DOCK1: variants seen among roughly 807,000 people sequenced by gnomAD.
DOCK1 encodes dedicator of cytokinesis protein 1.
A neutral mutation model predicts 262.7 loss-of-function variants in DOCK1; 138 were observed. The observed-to-expected ratio is 0.53, with a 90% CI of 0.46 to 0.61. The LOEUF is 0.61. Ranked by LOEUF, DOCK1 falls within the 20% of genes least tolerant of loss-of-function variation. The probability of loss-of-function intolerance (pLI) is 0.00; values close to 1 mark genes in which losing one functional copy is unlikely to be tolerated. For synonymous variants in DOCK1, 866 were observed against 867.4 expected, an observed-to-expected ratio of 1.00 and a Z score of 0.03; for missense variants, 1,908 against 2,370.7, an observed-to-expected ratio of 0.80 and a Z score of 4.05.
At chr10:127,103,158 T>G (rs1363016751) in intron 23 of DOCK1, among the ~76,000 whole-genome samples, 1 of 152,186 alleles carries the variant, frequency 6.6e-6, no homozygotes, top group Non-Finnish European at 1.5e-5. Flanking sequence ...TCGAGTTCCA[T>G]TGTATGAATT....
chr10:127,111,664 C>T (rs567002145), intron 25 of DOCK1, among the ~76,000 whole-genome samples: 20 of 152,260 alleles, frequency 1.3e-4, no homozygotes, highest in African/African-American at 3.9e-4. Flanking sequence ...CTTTGTACCA[C>T]AGCAAGTAAA....
At position 127,433,282 on chromosome 10, in the gene DOCK1, G is replaced by A; in HGVS notation, c.4915-1G>A. Reference sequence around the variant, plus strand: ...TCCTTCTCTCTCTTTCTCGCTCTCAGCCCTCAAGTCTGGATGATAGAAGAG... The same window carrying A: ...TCCTTCTCTCTCTTTCTCGCTCTCAACCCTCAAGTCTGGATGATAGAAGAG... On this transcript the variant is annotated splice_acceptor_variant, in intron 47 of 51. Coordinates refer to ENST00000623213, the MANE Select transcript of DOCK1 (RefSeq NM_001290223.2). LOFTEE classifies it high-confidence loss of function. The A allele has an allele frequency of 6.2e-7, 1 of 1,613,860 alleles. No homozygotes were observed.
rs1046578717 is a variant in DOCK1 at position 127,397,147 on chromosome 10, C to T, written c.3928-5908C>T. Among the ~76,000 whole-genome samples, 76 of 131,208 alleles carry T rather than the reference C, an allele frequency of 5.8e-4. 2 individuals are homozygous for T. The highest frequency in any genetic ancestry group is 6.9e-4 in the Non-Finnish European group (42 of 60,902). The allele number at this position is 131,208 out of a possible 152,430, so 86.1% of individuals were successfully genotyped here. The stretch of plus-strand genomic sequence containing the variant: ...CTATGTGATCTGAGCATCAGTTACA[C>T]GGGCAGCGACTCCTATGTGATCTGA... On this transcript the variant is annotated intron_variant, in intron 38 of 51. Coordinates refer to ENST00000623213, the MANE Select transcript of DOCK1 (RefSeq NM_001290223.2).
At chr10:126,935,167 T>G (rs954574979) in intron 1 of DOCK1, among the ~76,000 whole-genome samples, 6 of 152,250 alleles carry the variant, frequency 3.9e-5, no homozygotes, top group African/African-American at 1.4e-4. Flanking sequence ...CATAACCACA[T>G]AAAAAGCCTC....
intron 29 of DOCK1, chr10:127,257,925 A>C (rs951542060): frequency 6.6e-6 from 1 of 152,334 alleles, no homozygotes; most frequent in African/African-American, 2.4e-5. Flanking sequence ...TTTCTAGCAC[A>C]TTGGGTTTTA....
intron 29 of DOCK1, among the ~76,000 whole-genome samples, chr10:127,301,582 T>C (rs1214980318): frequency 3.3e-5 from 5 of 152,156 alleles, no homozygotes; most frequent in African/African-American, 1.2e-4. Context: ...TTAGTATTTA[T>C]TTGGAAATCA....
At chr10:127,279,520 A>G (rs893408821) in intron 29 of DOCK1, among the ~76,000 whole-genome samples, 2 of 152,194 alleles carry the variant, frequency 1.3e-5, no homozygotes, top group Admixed American at 6.5e-5. Context: ...ATTTTTCCCT[A>G]CTTGTTTTGA....
chr10:127,257,518 G>C (rs1485113517), intron 29 of DOCK1, 89 bp downstream of exon 29: 1 of 1,239,718 alleles, frequency 8.1e-7, no homozygotes, highest in Non-Finnish European at 1.1e-6. Flanking sequence ...GACCAAGCTG[G>C]CTTCAATAAA....
intron 50 of DOCK1, among the ~76,000 whole-genome samples, chr10:127,445,851 C>T (rs569190575): frequency 6.6e-6 from 1 of 152,372 alleles, no homozygotes; most frequent in South Asian, 2.1e-4. Context: ...GAAGTTCTGA[C>T]ACGTGCTACA....
chr10:127,397,679 A>T (rs965928585), intron 38 of DOCK1, among the ~76,000 whole-genome samples: 2 of 151,686 alleles, frequency 1.3e-5, no homozygotes, highest in African/African-American at 4.8e-5. Context: ...CGTCTCCTGC[A>T]TGACACAGGT....
At chr10:127,337,464 A>C (rs1396889671) in intron 29 of DOCK1, among the ~76,000 whole-genome samples, 1 of 152,180 alleles carries the variant, frequency 6.6e-6, no homozygotes, top group Non-Finnish European at 1.5e-5. Context: ...GATGCTCTAA[A>C]TGTCCTGTAT....
chr10:127,200,480 G>A (rs1000578970), intron 27 of DOCK1, among the ~76,000 whole-genome samples: 4 of 152,076 alleles, frequency 2.6e-5, no homozygotes, highest in Non-Finnish European at 4.4e-5. Flanking sequence ...CTAGAGTGGC[G>A]TGATGTCAGT....
intron 27 of DOCK1, among the ~76,000 whole-genome samples, chr10:127,140,157 A>G (rs2051086514): frequency 6.6e-6 from 1 of 152,244 alleles, no homozygotes; most frequent in Non-Finnish European, 1.5e-5. Flanking sequence ...GGCTAACAGT[A>G]CAATTTCGGC....
At position 127,142,840 on chromosome 10, in the gene DOCK1, C is replaced by T. The variant is rs552259800; in HGVS notation, c.2847+15076C>T. Among the ~76,000 whole-genome samples the T allele has an allele frequency of 3.3e-5, 5 of 152,278 alleles. No homozygotes were observed. The South Asian group carries it at 1.0e-3, about 32-fold the overall frequency. On this transcript the variant is annotated intron_variant, in intron 27 of 51. Coordinates refer to ENST00000623213, the MANE Select transcript of DOCK1 (RefSeq NM_001290223.2). ...AAGCAACTGAGAGTAGATTTAATTT[C>T]TTGGTTGGTCTTTCCCTTTTCAAAA... is the stretch of plus-strand genomic sequence containing the variant.
chr10:127,431,316 G>T (rs1042338582), intron 47 of DOCK1, among the ~76,000 whole-genome samples: 1 of 152,310 alleles, frequency 6.6e-6, no homozygotes, highest in Admixed American at 6.5e-5. Flanking sequence ...AAGGAATTAT[G>T]CGGCAGACCG....
At chr10:127,290,826 C>G (rs930083923) in intron 29 of DOCK1, among the ~76,000 whole-genome samples, 1 of 152,154 alleles carries the variant, frequency 6.6e-6, no homozygotes, top group African/African-American at 2.4e-5. Flanking sequence ...TTCAACCATA[C>G]AAGGCCATTT....
At position 127,175,128 on chromosome 10, in the gene DOCK1, T is replaced by C; in HGVS notation, c.2847+47364T>C. The C allele has an allele frequency of 8.2e-7, 1 of 1,212,830 alleles. No homozygotes were observed. The highest frequency in any genetic ancestry group is 1.4e-5 in the South Asian group (1 of 70,120). The allele number at this position is 1,212,830 out of a possible 1,614,324, so 75.1% of individuals were successfully genotyped here. A position where few individuals can be genotyped will look rare whatever the true frequency, so the allele number is the denominator to read the frequency against. On this transcript the variant is annotated intron_variant, in intron 27 of 51. Transcript: ENST00000623213. This position sits in a 1 kb window ranked among gnomAD's most constrained non-coding sequence, Gnocchi z 6.3. ...TACGGAAATGCTGGCTTTAGTCTCA[T>C]TACAGACTTGGGTTTGGGGCTACAG... is the stretch of plus-strand genomic sequence containing the variant.
At chr10:127,354,549 T>G (rs1472622007) in intron 31 of DOCK1, 120 bp from the exon 32 acceptor site, 1 of 1,130,706 alleles carries the variant, frequency 8.8e-7, no homozygotes, top group Non-Finnish European at 1.3e-6. Flanking sequence ...GTTGAAGCTT[T>G]GACACTCTCT....
chr10:127,188,830 C>G (rs1442496515), intron 27 of DOCK1, among the ~76,000 whole-genome samples: 2 of 152,212 alleles, frequency 1.3e-5, no homozygotes, highest in Non-Finnish European at 2.9e-5. Flanking sequence ...CAAACACCCT[C>G]TGAAGGAGAA....
Sources: allele counts gnomAD v4.1 joint callset (sites outside exome capture counted in the v4.1 genomes callset), GRCh38; gene constraint gnomAD v4.1.1; non-coding constraint Gnocchi (gnomAD v3.1); transcripts MANE v1.5; gene names NCBI Gene and HGNC (gene_info 2026-07-23, HGNC 2026-07-21).